SEMA3D: variants seen among roughly 807,000 people sequenced by gnomAD.
The protein encoded by SEMA3D is semaphorin-3D.
Under a neutral mutation model 100.1 loss-of-function variants are expected in SEMA3D, and 84 were observed. The observed-to-expected ratio is 0.84, with a 90% confidence interval of 0.70 to 1.01. The LOEUF (loss-of-function observed/expected upper bound fraction) is 1.01. Among genes scored for constraint, SEMA3D ranks in the 50% least tolerant of loss-of-function variants. The pLI is 0.00. For missense variants in SEMA3D, 875 were observed against 934.1 expected, an observed-to-expected ratio of 0.94 and a Z score of 0.82; for synonymous variants, 312 against 320.7, an observed-to-expected ratio of 0.97 and a Z score of 0.29.
At chr7:85,141,078 T>G (rs1368363334) in intron 2 of SEMA3D, 5 of 917,638 alleles carry the variant, frequency 5.4e-6, no homozygotes, top group Non-Finnish European at 6.5e-6. Flanking sequence ...TATTTAATAT[T>G]CAGTTCACAT....
At chr7:85,214,871 G>T in the SEMA3D span, among the ~76,000 whole-genome samples, 1 of 152,050 alleles carries the variant, frequency 6.6e-6, no homozygotes, top group African/African-American at 2.4e-5. Flanking sequence ...TCTAAGGACT[G>T]ATCAAACTAT....
intron 2 of SEMA3D, among the ~76,000 whole-genome samples, chr7:85,129,813 A>G (rs557726038): frequency 6.6e-6 from 1 of 152,250 alleles, no homozygotes; most frequent in East Asian, 1.9e-4. Flanking sequence ...CAAATCTACC[A>G]TCAATGCCCA....
rs373384127 is a variant in SEMA3D, at chr7:85,179,495, TG to T, written c.-173+7182del. On this transcript the variant is annotated intron_variant, in intron 1 of 18. Transcript: ENST00000284136. The stretch of plus-strand genomic sequence containing the variant: ...TACTTTATTGAATTTTAGACTTGCA[TG>T]GGGCCTGTAGCTTCTTCGTTTTGGC... 4.5e-3 allele frequency among the ~76,000 whole-genome samples: 678 copies of T among 152,310 alleles called. 6 individuals are homozygous for T. The highest frequency in any genetic ancestry group is 0.016 in the African/African-American group (655 of 41,566).
chr7:85,212,195 T>C, the SEMA3D span, among the ~76,000 whole-genome samples: 10 of 143,058 alleles, frequency 7.0e-5, no homozygotes, highest in Non-Finnish European at 1.0e-4. Flanking sequence ...GATTCTTCTG[T>C]GTTTCTCTGT....
intron 3 of SEMA3D, among the ~76,000 whole-genome samples, chr7:85,112,552 T>C (rs1789122244): frequency 6.6e-6 from 1 of 152,194 alleles, no homozygotes. Context: ...GCATGGCAAG[T>C]TGACAATAAC....
At chr7:85,246,670 G>A in the SEMA3D span, among the ~76,000 whole-genome samples, 89 of 151,626 alleles carry the variant, frequency 5.9e-4, no homozygotes, top group East Asian at 0.016. Flanking sequence ...GGGAATATAG[G>A]GTGTATTGTT....
At chr7:85,085,045 G>C (rs1325915116) in intron 4 of SEMA3D, among the ~76,000 whole-genome samples, 1 of 152,074 alleles carries the variant, frequency 6.6e-6, no homozygotes, top group Admixed American at 6.6e-5. Flanking sequence ...GTCTACCACT[G>C]ATGGGCGTTT....
chr7:85,006,100 A>C (rs980290913), intron 18 of SEMA3D, among the ~76,000 whole-genome samples: 1 of 151,972 alleles, frequency 6.6e-6, no homozygotes, highest in African/African-American at 2.4e-5. Context: ...CCTCACTAAT[A>C]GGGTATCTGT....
intron 6 of SEMA3D, among the ~76,000 whole-genome samples, chr7:85,069,412 A>G (rs1010361175): frequency 1.3e-5 from 2 of 152,186 alleles, no homozygotes; most frequent in African/African-American, 2.4e-5. Flanking sequence ...CTTTAATACA[A>G]ATAATAATGG....
intron 5 of SEMA3D, among the ~76,000 whole-genome samples, chr7:85,073,889 T>C (rs1248676684): frequency 6.6e-6 from 1 of 152,260 alleles, no homozygotes; most frequent in Non-Finnish European, 1.5e-5. Flanking sequence ...GTTCTGCATA[T>C]GCTTATGCCT....
At chr7:85,192,409 C>T in the SEMA3D span, among the ~76,000 whole-genome samples, 5 of 151,738 alleles carry the variant, frequency 3.3e-5, no homozygotes, top group Non-Finnish European at 7.4e-5. Flanking sequence ...TAAAGTTAAG[C>T]GACTTAAAAA....
At chr7:85,180,841 A>C (rs1242654953) in intron 1 of SEMA3D, among the ~76,000 whole-genome samples, 1 of 152,140 alleles carries the variant, frequency 6.6e-6, no homozygotes, top group Non-Finnish European at 1.5e-5. Context: ...ACAGTTTCTC[A>C]GACTTTCCTT....
chr7:85,133,761 A>G (rs1789788566), intron 2 of SEMA3D, among the ~76,000 whole-genome samples: 1 of 151,964 alleles, frequency 6.6e-6, no homozygotes, highest in South Asian at 2.1e-4. Flanking sequence ...GCATCTACGA[A>G]ATAGGATTAT....
chr7:85,227,619 C>A, the SEMA3D span, among the ~76,000 whole-genome samples: 5 of 152,090 alleles, frequency 3.3e-5, no homozygotes, highest in African/African-American at 1.2e-4. Context: ...GACTGAAATA[C>A]ATGGCATCTA....
At chr7:85,222,575 TTTATTTA>T in the SEMA3D span, among the ~76,000 whole-genome samples, 18 of 152,142 alleles carry the variant, frequency 1.2e-4, no homozygotes, top group Non-Finnish European at 2.4e-4. Context: ...AATTAATTGA[TTTATTTA>T]AAGTTAACTT....
At chr7:85,064,719 C>G (rs949410849) in intron 8 of SEMA3D, among the ~76,000 whole-genome samples, 8 of 152,048 alleles carry the variant, frequency 5.3e-5, no homozygotes, top group African/African-American at 1.9e-4. Context: ...AAAATTTGAT[C>G]TGTTGTAAGG....
chr7:85,180,314 G>A (rs1002984725), intron 1 of SEMA3D, among the ~76,000 whole-genome samples: 3 of 152,078 alleles, frequency 2.0e-5, no homozygotes, highest in Non-Finnish European at 4.4e-5. Flanking sequence ...AGAAGGACAT[G>A]TTTGCTTCCC....
chr7:85,236,241 C>G, the SEMA3D span, among the ~76,000 whole-genome samples: 1 of 151,370 alleles, frequency 6.6e-6, no homozygotes, highest in South Asian at 2.1e-4. Context: ...AAAACACTTG[C>G]ATTTGTTGGC....
the SEMA3D span, among the ~76,000 whole-genome samples, chr7:85,235,121 G>T: frequency 6.6e-6 from 1 of 152,280 alleles, no homozygotes. Context: ...GTAAGGAAGA[G>T]AATAATAGTG....
Sources: gnomAD v4.1 joint callset for allele counts (sites outside exome capture counted in the v4.1 genomes callset) on GRCh38, gnomAD v4.1.1 for gene constraint, MANE v1.5 for transcripts, NCBI Gene and HGNC (gene_info 2026-07-23, HGNC 2026-07-21) for gene names.